Variants in C12orf42 observed in about 807,000 individuals in gnomAD.
The protein encoded by C12orf42 is chromosome 12 open reading frame 42.
A neutral mutation model predicts 21.6 loss-of-function variants in C12orf42; 25 were observed. That is an observed-to-expected ratio of 1.16 (90% CI 0.84 to 1.62). The LOEUF is 1.62. C12orf42 is among the 40% of genes most tolerant of loss of function. The pLI is 0.00. For missense variants in C12orf42, 483 were observed against 459.3 expected (o/e 1.05, Z -0.47); for synonymous variants, 174 against 175.0 (o/e 0.99, Z 0.05).
At chr12:103,533,044 G>T in the C12orf42 span, among the ~76,000 whole-genome samples, 1 of 152,170 alleles carries the variant, frequency 6.6e-6, no homozygotes, top group Non-Finnish European at 1.5e-5. Context: ...ATTCCTTTCA[G>T]ACTCATTCCA....
chr12:103,301,131 CATT>C (rs1311199537), downstream of C12orf42, among the ~76,000 whole-genome samples: 2 of 152,122 alleles, frequency 1.3e-5, no homozygotes, highest in East Asian at 3.8e-4. Context: ...GGACTTGAGA[CATT>C]ATGCTGTCTT....
chr12:103,089,619 CTGTGTGTGTGTGTG>C, the C12orf42 span, among the ~76,000 whole-genome samples: 3 of 145,482 alleles, frequency 2.1e-5, no homozygotes, highest in South Asian at 2.2e-4. Flanking sequence ...GTGTGTGTGT[CTGTGTGTGTGTGTG>C]TGTGTGTGTG....
intron 4 of C12orf42, among the ~76,000 whole-genome samples, chr12:103,312,201 A>T (rs976922682): frequency 4.6e-5 from 7 of 152,202 alleles, no homozygotes; most frequent in Admixed American, 6.5e-5. Flanking sequence ...TTAGGCAGTG[A>T]AGAAGCTGAG....
chr12:103,501,902 A>C, the C12orf42 span, among the ~76,000 whole-genome samples: 1 of 152,166 alleles, frequency 6.6e-6, no homozygotes, highest in African/African-American at 2.4e-5. Context: ...CAACATTTAA[A>C]AGTCAGGAAA....
the C12orf42 span, among the ~76,000 whole-genome samples, chr12:103,073,356 G>A: frequency 2.6e-5 from 4 of 152,110 alleles, no homozygotes; most frequent in South Asian, 2.1e-4. Flanking sequence ...TAGAAGAAAA[G>A]AAAAAGAAAA....
intron 10 of C12orf42, among the ~76,000 whole-genome samples, chr12:103,260,377 T>C (rs1048775456): frequency 3.3e-5 from 5 of 152,212 alleles, no homozygotes; most frequent in African/African-American, 1.2e-4. Flanking sequence ...AGGAATTTAA[T>C]ATCTTCACAT....
intron 3 of C12orf42, among the ~76,000 whole-genome samples, chr12:103,389,311 G>T (rs1716680962): frequency 6.6e-6 from 1 of 152,164 alleles, no homozygotes; most frequent in Admixed American, 6.5e-5. Context: ...AGTGGAATTT[G>T]ACTATATGCA....
At chr12:103,428,810 C>T (rs1950044827) in intron 2 of C12orf42, among the ~76,000 whole-genome samples, 1 of 152,126 alleles carries the variant, frequency 6.6e-6, no homozygotes, top group Non-Finnish European at 1.5e-5. Flanking sequence ...AAGGCTGGTT[C>T]AACATACACA....
Position 103,463,626 on chromosome 12 carries a change from C to T in C12orf42, c.78+14723G>A, listed in dbSNP as rs139225752. Among the ~76,000 whole-genome samples the T allele has an allele frequency of 5.4e-3, 820 of 152,188 alleles. 5 individuals carry two copies. The highest frequency in any genetic ancestry group is 0.019 in the African/African-American group (774 of 41,508). The stretch of plus-strand genomic sequence containing the variant: ...TATTTTAAGTTCCAGGATACATGTG[C>T]AGGACATGCAGGTTTGTTACATAGG... On this transcript the variant is annotated intron_variant, in intron 2 of 5. Coordinates refer to ENST00000548883, the MANE Select transcript of C12orf42 (RefSeq NM_198521.5).
At chr12:103,494,285 T>A (rs1487681780) in intron 1 of C12orf42, among the ~76,000 whole-genome samples, 3 of 152,206 alleles carry the variant, frequency 2.0e-5, no homozygotes, top group Admixed American at 2.0e-4. Context: ...CCACTTGTTC[T>A]AAACCTGTTC....
chr12:103,527,800 A>G, the C12orf42 span, among the ~76,000 whole-genome samples: 3 of 152,318 alleles, frequency 2.0e-5, no homozygotes, highest in Admixed American at 2.0e-4. Context: ...GAATTTGTTT[A>G]TGCTGATATG....
At chr12:103,198,216 A>G in the C12orf42 span, among the ~76,000 whole-genome samples, 2 of 152,176 alleles carry the variant, frequency 1.3e-5, no homozygotes, top group African/African-American at 2.4e-5. Flanking sequence ...TGCCAGCAAA[A>G]CAGAGGGAGA....
At chr12:103,537,329 ATG>A in the C12orf42 span, among the ~76,000 whole-genome samples, 3 of 141,710 alleles carry the variant, frequency 2.1e-5, no homozygotes, top group Admixed American at 2.1e-4. Flanking sequence ...CTTAAGGTTT[ATG>A]AAAAAAAAAA....
At chr12:103,210,163 C>T in the C12orf42 span, among the ~76,000 whole-genome samples, 6 of 151,898 alleles carry the variant, frequency 4.0e-5, no homozygotes, top group African/African-American at 1.5e-4. Context: ...GCCTATTTTC[C>T]TCTCACATTA....
intron 4 of C12orf42, among the ~76,000 whole-genome samples, chr12:103,331,195 C>T (rs2041212152): frequency 6.6e-6 from 1 of 152,168 alleles, no homozygotes; most frequent in Non-Finnish European, 1.5e-5. Context: ...AGAACACTTC[C>T]ATTAGCCTAC....
chr12:103,346,280 A>G (rs1386256206), intron 4 of C12orf42, among the ~76,000 whole-genome samples: 1 of 152,238 alleles, frequency 6.6e-6, no homozygotes, highest in African/African-American at 2.4e-5. Flanking sequence ...CTAGCAGGTT[A>G]TCTCCATCCT....
chr12:103,384,154 T>TA (rs974838519), intron 3 of C12orf42, among the ~76,000 whole-genome samples: 1 of 152,156 alleles, frequency 6.6e-6, no homozygotes, highest in Non-Finnish European at 1.5e-5. Flanking sequence ...TTCTTCTTCT[T>TA]AAAAAAACTG....
the C12orf42 span, among the ~76,000 whole-genome samples, chr12:103,220,259 AG>A: frequency 1.2e-4 from 18 of 151,954 alleles, no homozygotes; most frequent in African/African-American, 3.4e-4. Context: ...AGGGCCTCTC[AG>A]GGGGTGGGAT....
the C12orf42 span, among the ~76,000 whole-genome samples, chr12:103,520,439 A>G: frequency 6.6e-6 from 1 of 152,222 alleles, no homozygotes; most frequent in Non-Finnish European, 1.5e-5. Flanking sequence ...CTGTAATCCC[A>G]GAACTTTGAG....
Sources: gnomAD v4.1 joint callset for allele counts (sites outside exome capture counted in the v4.1 genomes callset) on GRCh38, gnomAD v4.1.1 for gene constraint, MANE v1.5 for transcripts, NCBI Gene and HGNC (gene_info 2026-07-23, HGNC 2026-07-21) for gene names.